Variants in FMN1 observed in about 807,000 individuals in gnomAD.
The protein encoded by FMN1 is formin-1.
FMN1 carries 110 observed loss-of-function variants against 132.4 expected under a neutral mutation model. That is an observed-to-expected ratio of 0.83 (90% CI 0.71 to 0.97). The LOEUF (loss-of-function observed/expected upper bound fraction) is 0.97. Ranked by LOEUF, FMN1 falls within the 50% of genes least tolerant of loss-of-function variation. The probability of loss-of-function intolerance (pLI) is 0.00; values close to 1 mark genes in which losing one functional copy is unlikely to be tolerated. For missense variants in FMN1, 1,792 were observed against 1,705.3 expected (o/e 1.05, Z -0.90); for synonymous variants, 722 against 651.7 (o/e 1.11, Z -1.64).
At chr15:32,993,061 C>G (rs1250511475) in intron 7 of FMN1, among the ~76,000 whole-genome samples, 1 of 152,178 alleles carries the variant, frequency 6.6e-6, no homozygotes, top group African/African-American at 2.4e-5. Context: ...GTAAGGGATG[C>G]TTCATTCTCC....
intron 3 of FMN1, among the ~76,000 whole-genome samples, chr15:33,176,050 A>G (rs530706702): frequency 2.0e-5 from 3 of 152,268 alleles, no homozygotes; most frequent in African/African-American, 7.2e-5. Context: ...GAGGGCCCCA[A>G]AGCAAATGGT....
At chr15:33,083,982 G>C (rs1297375702) in intron 5 of FMN1, among the ~76,000 whole-genome samples, 1 of 152,124 alleles carries the variant, frequency 6.6e-6, no homozygotes, top group Non-Finnish European at 1.5e-5. Context: ...CAAATGCCAT[G>C]GTCATGTTGG....
At chr15:33,006,895 G>T (rs955312646) in intron 7 of FMN1, among the ~76,000 whole-genome samples, 1 of 152,076 alleles carries the variant, frequency 6.6e-6, no homozygotes, top group Admixed American at 6.6e-5. Flanking sequence ...GCAGAGAGGG[G>T]TGAAAAGTGG....
rs190734826 is a variant in FMN1 at position 32,973,395 on chromosome 15, G to A, written c.2224-3918C>T. 1.2e-4 allele frequency among the ~76,000 whole-genome samples: 19 copies of A among 152,148 alleles called. 1 individual carries two copies. In the East Asian group the frequency reaches 1.9e-3, roughly 15 times the overall value. ...CTCTGTTGCAAACACTCAAGGTAGG[G>A]GGCAGATTACCAGGCACAGACTCCA... On this transcript the variant is annotated intron_variant, in intron 7 of 20. Coordinates refer to ENST00000616417, the MANE Select transcript of FMN1 (RefSeq NM_001277313.2).
At chr15:32,950,943 T>C (rs1010885705) in intron 9 of FMN1, among the ~76,000 whole-genome samples, 1 of 152,212 alleles carries the variant, frequency 6.6e-6, no homozygotes, top group African/African-American at 2.4e-5. Flanking sequence ...GTATGAAAAA[T>C]TCCTTGAAAT....
chr15:32,999,260 A>G (rs928540491), intron 7 of FMN1, among the ~76,000 whole-genome samples: 1 of 152,222 alleles, frequency 6.6e-6, no homozygotes, highest in Non-Finnish European at 1.5e-5. Flanking sequence ...ATTTAAATGT[A>G]TTGTGTTGAT....
chr15:32,899,872 G>A (rs1209480476), intron 14 of FMN1, 107 bp downstream of exon 14: 1 of 1,075,762 alleles, frequency 9.3e-7, no homozygotes, highest in Non-Finnish European at 1.4e-6. Flanking sequence ...ATGTTGTTAA[G>A]GGGAGGATAG....
At chr15:33,007,967 A>T in intron 7 of FMN1, 47 bp downstream of exon 7, 1 of 1,495,804 alleles carries the variant, frequency 6.7e-7, no homozygotes. Flanking sequence ...GGAGAAAACC[A>T]AGTATCAGTT....
At chr15:32,955,574 G>A (rs1252545710) in intron 9 of FMN1, among the ~76,000 whole-genome samples, 1 of 152,152 alleles carries the variant, frequency 6.6e-6, no homozygotes, top group Non-Finnish European at 1.5e-5. Context: ...CTCAGAAAAT[G>A]GCCTGGATTG....
At chr15:33,078,174 C>A (rs552280922) in intron 5 of FMN1, among the ~76,000 whole-genome samples, 1 of 152,282 alleles carries the variant, frequency 6.6e-6, no homozygotes, top group South Asian at 2.1e-4. Context: ...AAGATAGCAT[C>A]CACGCGTAAA....
rs200082415 is a variant in FMN1 at position 32,817,026 on chromosome 15, GAAGA to G, written c.3929-12698_3929-12695del. Among the ~76,000 whole-genome samples the G allele has an allele frequency of 6.7e-4, 102 of 152,266 alleles. 2 individuals carry two copies. In the East Asian group the frequency reaches 0.015, roughly 23 times the overall value. On this transcript the variant is annotated intron_variant, in intron 17 of 20. Transcript: ENST00000616417. ...GACGTTAACTAAAGAAAAACTAAGA[GAAGA>G]AAGAAGCCATACTTATACATGATTT... is the stretch of plus-strand genomic sequence containing the variant.
In FMN1 at chr15:32,995,637, T is replaced by A. The variant is rs376686019; in HGVS notation, c.2223+12377A>T. On this transcript the variant is annotated intron_variant, in intron 7 of 20. Coordinates refer to ENST00000616417, the MANE Select transcript of FMN1 (RefSeq NM_001277313.2). The stretch of plus-strand genomic sequence containing the variant: ...TAAATGATGTTTTATCTCTAGCACA[T>A]CTCTTGTATTTGACACGTGCTCAAT... Among the ~76,000 whole-genome samples the A allele has an allele frequency of 2.8e-4, 42 of 152,326 alleles. 1 individual carries two copies. The South Asian group carries it at 8.1e-3, about 29-fold the overall frequency.
intron 15 of FMN1, among the ~76,000 whole-genome samples, chr15:32,895,488 G>A (rs2060131655): frequency 6.6e-6 from 1 of 152,222 alleles, no homozygotes; most frequent in African/African-American, 2.4e-5. Flanking sequence ...GCATCTTTAT[G>A]TGAATTTTTT....
At chr15:33,013,878 A>G (rs2034883022) in intron 6 of FMN1, among the ~76,000 whole-genome samples, 2 of 152,274 alleles carry the variant, frequency 1.3e-5, no homozygotes, top group African/African-American at 2.4e-5. Context: ...AATAGAAATT[A>G]TACAGACTAT....
chr15:33,026,438 A>ACACACACT (rs2035678869), intron 6 of FMN1, among the ~76,000 whole-genome samples: 2 of 151,700 alleles, frequency 1.3e-5, no homozygotes, highest in Middle Eastern at 3.4e-3. Context: ...ACACACACAC[A>ACACACACT]CTTCTGTTTA....
chr15:33,039,034 G>C (rs2036308231), intron 6 of FMN1, among the ~76,000 whole-genome samples: 1 of 152,104 alleles, frequency 6.6e-6, no homozygotes, highest in Non-Finnish European at 1.5e-5. Flanking sequence ...GATTATTTTT[G>C]TTTCCCCACT....
intron 5 of FMN1, among the ~76,000 whole-genome samples, chr15:33,078,494 T>C (rs1279449139): frequency 1.3e-5 from 2 of 152,212 alleles, no homozygotes; most frequent in East Asian, 1.9e-4. Context: ...GTTCCTAGAA[T>C]CAAAGTCACA....
At chr15:32,936,682 A>AGAAG (rs968720167) in intron 9 of FMN1, among the ~76,000 whole-genome samples, 2 of 151,908 alleles carry the variant, frequency 1.3e-5, no homozygotes, top group African/African-American at 4.8e-5. Context: ...AGGAGGAGAA[A>AGAAG]GAAGGAAGGA....
chr15:32,973,132 A>T (rs1181318207), intron 7 of FMN1, among the ~76,000 whole-genome samples: 1 of 152,224 alleles, frequency 6.6e-6, no homozygotes, highest in African/African-American at 2.4e-5. Context: ...AAATAAATAA[A>T]TAAATGCAGA....
Sources: gnomAD v4.1 joint callset for allele counts (sites outside exome capture counted in the v4.1 genomes callset) on GRCh38, gnomAD v4.1.1 for gene constraint, MANE v1.5 for transcripts, NCBI Gene and HGNC (gene_info 2026-07-23, HGNC 2026-07-21) for gene names.